GLDN: variants seen among roughly 807,000 people sequenced by gnomAD.
The protein encoded by GLDN is collomin.
In GLDN, 47 loss-of-function variants were observed where a neutral mutation model predicts 56.5. The observed-to-expected ratio is 0.83, with a 90% CI of 0.66 to 1.06. The LOEUF (loss-of-function observed/expected upper bound fraction) is 1.06, where lower values mean the gene tolerates loss of function less well. Among genes scored for constraint, GLDN ranks in the 50% least tolerant of loss-of-function variants. GLDN has a pLI of 0.00. For synonymous variants in GLDN, 332 were observed against 278.8 expected, an observed-to-expected ratio of 1.19 and a Z score of -1.90; for missense variants, 782 against 714.3, an observed-to-expected ratio of 1.09 and a Z score of -1.08.
At chr15:51,368,544 A>C (rs1054711757) in intron 1 of GLDN, among the ~76,000 whole-genome samples, 2 of 151,634 alleles carry the variant, frequency 1.3e-5, no homozygotes, top group Admixed American at 6.6e-5. Flanking sequence ...TAGGAGTCAC[A>C]CCCCAGAATT....
intron 1 of GLDN, among the ~76,000 whole-genome samples, chr15:51,345,056 G>A (rs1222139695): frequency 1.3e-5 from 2 of 152,140 alleles, no homozygotes; most frequent in African/African-American, 2.4e-5. Flanking sequence ...GGTGAGCGGG[G>A]AGAGAGAAAA....
intron 4 of GLDN, chr15:51,385,358 G>A (rs1391967450): frequency 6.6e-6 from 1 of 152,146 alleles, no homozygotes; most frequent in Non-Finnish European, 1.5e-5. Flanking sequence ...CCCTGGCCTT[G>A]AGGATGTGCT....
At chr15:51,398,740 G>A in intron 6 of GLDN, among the ~76,000 whole-genome samples, 1 of 152,170 alleles carries the variant, frequency 6.6e-6, no homozygotes, top group Admixed American at 6.5e-5. Flanking sequence ...TCCTCTGCTG[G>A]GCTGCCGTGC....
chr15:51,391,804 C>G (rs1385071082), intron 4 of GLDN, among the ~76,000 whole-genome samples: 2 of 152,238 alleles, frequency 1.3e-5, no homozygotes, highest in Non-Finnish European at 2.9e-5. Flanking sequence ...GAGGGGCCCC[C>G]TGCTCCTCTT....
intron 1 of GLDN, among the ~76,000 whole-genome samples, chr15:51,358,250 C>T (rs771821492): frequency 1.4e-4 from 21 of 152,276 alleles, no homozygotes; most frequent in Non-Finnish European, 2.5e-4. Context: ...AATTCAGGTA[C>T]GAAAAGCACT....
At chr15:51,391,017 C>T (rs915777323) in intron 4 of GLDN, among the ~76,000 whole-genome samples, 8 of 152,118 alleles carry the variant, frequency 5.3e-5, no homozygotes, top group African/African-American at 1.4e-4. Context: ...CATATCACGG[C>T]GAAAGCACAG....
chr15:51,397,638 A>G (rs768206046), intron 6 of GLDN, 40 bp downstream of exon 6: 2 of 1,514,738 alleles, frequency 1.3e-6, no homozygotes, highest in South Asian at 2.6e-5. Flanking sequence ...TCTTCTGTCA[A>G]TTATTCCAAA....
At chr15:51,385,846 G>C (rs2037879723) in intron 4 of GLDN, among the ~76,000 whole-genome samples, 1 of 152,220 alleles carries the variant, frequency 6.6e-6, no homozygotes, top group African/African-American at 2.4e-5. Flanking sequence ...ACCTAGCCTA[G>C]TTGAGATCAG....
chr15:51,406,301 C>T lies in GLDN; in HGVS notation c.*1547C>T, dbSNP rs948457589. 1.3e-5 allele frequency: 2 copies of T among 152,168 alleles called. No individual in the cohort carries two copies. Among genetic ancestry groups the T allele is most frequent in the South Asian group, 2.1e-4 (1 of 4,828 alleles). 9.4% of individuals were successfully genotyped at this position (152,168 alleles called of 1,614,324 possible). A position where few individuals can be genotyped will look rare whatever the true frequency, so the allele number is the denominator to read the frequency against. ...CTTCTTTAAACATCTTTCAGCCCAG[C>T]GCTGCGGCCCCGGGAAGGGCCACTG... On this transcript the variant is annotated 3_prime_UTR_variant, in exon 10 of 10. Coordinates refer to ENST00000335449, the MANE Select transcript of GLDN (RefSeq NM_181789.4).
intron 1 of GLDN, among the ~76,000 whole-genome samples, chr15:51,361,447 T>C (rs954068129): frequency 9.2e-5 from 14 of 152,180 alleles, no homozygotes; most frequent in African/African-American, 3.1e-4. Context: ...CTTGCCATAC[T>C]AAGAGTTTTA....
intron 1 of GLDN, among the ~76,000 whole-genome samples, chr15:51,342,537 G>A (rs1566932660): frequency 1.3e-5 from 2 of 152,148 alleles, no homozygotes; most frequent in Non-Finnish European, 1.5e-5. Context: ...ACCTGGCATC[G>A]CCTCATTCCT....
At chr15:51,379,178 A>G (rs920361217) in intron 2 of GLDN, among the ~76,000 whole-genome samples, 1 of 152,172 alleles carries the variant, frequency 6.6e-6, no homozygotes, top group Non-Finnish European at 1.5e-5. Context: ...TCCCCTAGCT[A>G]GAGTAATTAG....
intron 1 of GLDN, chr15:51,367,602 A>C (rs2141073175): frequency 6.6e-6 from 1 of 152,402 alleles, no homozygotes; most frequent in African/African-American, 2.4e-5. Flanking sequence ...TCGATTCAGC[A>C]AAACAAATGA....
intron 1 of GLDN, among the ~76,000 whole-genome samples, chr15:51,376,089 T>C (rs1243242835): frequency 6.6e-6 from 1 of 152,252 alleles, no homozygotes; most frequent in East Asian, 1.9e-4. Context: ...AAGTGTTATG[T>C]TAACTACAGT....
intron 1 of GLDN, chr15:51,351,092 G>A (rs2037067610): frequency 3.7e-6 from 1 of 270,396 alleles, no homozygotes; most frequent in Non-Finnish European, 7.4e-6. Flanking sequence ...TAAAACAAAA[G>A]ATGACACTTA....
In GLDN at chr15:51,356,014, T is replaced by C. The variant is rs185096633; in HGVS notation, c.363+13967T>C. 9.8e-3 allele frequency among the ~76,000 whole-genome samples: 1,467 copies of C among 149,556 alleles called. 20 individuals are homozygous for C. The highest frequency in any genetic ancestry group is 0.028 in the Middle Eastern group (8 of 290). On this transcript the variant is annotated intron_variant, in intron 1 of 9. Coordinates refer to ENST00000335449, the MANE Select transcript of GLDN (RefSeq NM_181789.4). ...CGAGGTCAGAAGATCGAGACCATCC[T>C]GGCTAACATGGTGAAACCCCGTCTC... is the stretch of plus-strand genomic sequence containing the variant.
At chr15:51,377,880 T>C (rs2037669484) in intron 2 of GLDN, among the ~76,000 whole-genome samples, 1 of 152,228 alleles carries the variant, frequency 6.6e-6, no homozygotes, top group Admixed American at 6.5e-5. Context: ...CCAGGTGTGG[T>C]GGCCCAAACT....
intron 5 of GLDN, among the ~76,000 whole-genome samples, chr15:51,395,761 T>TAA (rs35521145): frequency 1.3e-5 from 2 of 151,898 alleles, no homozygotes; most frequent in Non-Finnish European, 2.9e-5. Flanking sequence ...TTTATATATT[T>TAA]AAAAAAAGGT....
rs771813467 is a variant in GLDN at position 51,383,799 on chromosome 15, G to A, written c.448G>A (p.Gly150Ser). 68 of 1,610,262 alleles carry A rather than the reference G, an allele frequency of 4.2e-5. No homozygotes were observed. The highest frequency in any genetic ancestry group is 1.2e-4 in the Admixed American group (7 of 59,304). The part of the protein sequence containing the change: ...PSGPPGPPGA[G>S]GLPGHNGLDG... ...TTTTGATGCAGGACCTCCGGGAGCC[G>A]GCGGGTTGCCAGGACACAACGGATT... The change falls in exon 4 of 10, where the codon GGC (glycine) becomes AGC (serine). Residue 150 changes from glycine (G) to serine (S), a missense_variant. Coordinates refer to ENST00000335449, the MANE Select transcript of GLDN (RefSeq NM_181789.4).
Sources: gnomAD v4.1 joint callset for allele counts (sites outside exome capture counted in the v4.1 genomes callset) on GRCh38, gnomAD v4.1.1 for gene constraint, MANE v1.5 for transcripts, NCBI Gene and HGNC (gene_info 2026-07-23, HGNC 2026-07-21) for gene names.